Variants in LRP2 observed in about 807,000 individuals in gnomAD.
The protein encoded by LRP2 is low-density lipoprotein receptor-related protein 2.
A neutral mutation model predicts 531.0 loss-of-function variants in LRP2; 172 were observed. The observed-to-expected ratio is 0.32, with a 90% CI of 0.29 to 0.37. The LOEUF (loss-of-function observed/expected upper bound fraction) is 0.37. Ranked by LOEUF, LRP2 falls within the 10% of genes least tolerant of loss-of-function variation. The pLI, the probability that LRP2 is intolerant of heterozygous loss-of-function variation, is 1.00. For synonymous variants in LRP2, 1,992 were observed against 2,027.6 expected, an observed-to-expected ratio of 0.98 and a Z score of 0.47; for missense variants, 5,167 against 5,868.3, an observed-to-expected ratio of 0.88 and a Z score of 3.90.
intron 1 of LRP2, among the ~76,000 whole-genome samples, chr2:169,337,910 CA>C (rs967492488): frequency 6.6e-5 from 10 of 151,990 alleles, no homozygotes; most frequent in African/African-American, 2.4e-4. Flanking sequence ...AGTTTGAGAC[CA>C]CCCTGGGCAA....
At chr2:169,180,497 G>T (rs188899651) in intron 52 of LRP2, among the ~76,000 whole-genome samples, 2 of 152,308 alleles carry the variant, frequency 1.3e-5, no homozygotes, top group African/African-American at 4.8e-5. Context: ...GAAAGTACTT[G>T]GATTGATTAA....
intron 24 of LRP2, 149 bp from the exon 25 acceptor site, chr2:169,241,514 A>C (rs1407689592): frequency 4.6e-6 from 4 of 862,534 alleles, no homozygotes; most frequent in Non-Finnish European, 7.6e-6. Flanking sequence ...AATGATATAG[A>C]GTCTTCTCCC....
chr2:169,206,406 A>G lies in LRP2; in HGVS notation c.7314T>C (p.Asn2438=), dbSNP rs936825984. ...SVSDRIYFTQ[N]LASGVGQISY... ...AAATCTGTCCAACTCCAGAGGCTAA[A>G]TTTTGTGTGAAGTAGATTCTATCAC... Residue 2438 remains asparagine, a synonymous_variant, in exon 39 of 79, where the codon AAT becomes AAC. Transcript: ENST00000649046. The G allele has an allele frequency of 6.2e-7, 1 of 1,614,048 alleles. No homozygotes were observed. The highest frequency in any genetic ancestry group is 1.3e-5 in the African/African-American group (1 of 74,914).
At chr2:169,294,513 C>T in intron 5 of LRP2, 87 bp downstream of exon 5, 1 of 987,614 alleles carries the variant, frequency 1.0e-6, no homozygotes. Context: ...TGAACCTGAA[C>T]TTGGGAAGAG....
chr2:169,269,330 A>T (rs182200880), intron 16 of LRP2, among the ~76,000 whole-genome samples: 374 of 152,358 alleles, frequency 2.5e-3, no homozygotes, highest in Non-Finnish European at 4.0e-3. Context: ...AGCTGAAGGC[A>T]TCACACTACC....
chr2:169,163,193 G>A (rs985617907), intron 62 of LRP2, among the ~76,000 whole-genome samples: 1 of 152,186 alleles, frequency 6.6e-6, no homozygotes, highest in African/African-American at 2.4e-5. Flanking sequence ...GGAAAAACTG[G>A]AAGGCAGATC....
At chr2:169,344,085 T>C (rs930988583) in intron 1 of LRP2, among the ~76,000 whole-genome samples, 14 of 152,106 alleles carry the variant, frequency 9.2e-5, no homozygotes, top group African/African-American at 3.4e-4. Context: ...GGGCATAGGA[T>C]ATGGTTTTAT....
At chr2:169,192,386 T>C (rs1687861596) in intron 47 of LRP2, among the ~76,000 whole-genome samples, 2 of 152,188 alleles carry the variant, frequency 1.3e-5, no homozygotes, top group Non-Finnish European at 2.9e-5. Flanking sequence ...CTTTTTTTAG[T>C]TTACAAAGTA....
intron 1 of LRP2, among the ~76,000 whole-genome samples, chr2:169,358,913 A>AG (rs1197619152): frequency 2.1e-4 from 31 of 151,130 alleles, no homozygotes; most frequent in Middle Eastern, 3.4e-3. Context: ...AAAAAAAAAA[A>AG]AAAGAAAAAA....
At chr2:169,191,697 T>G (rs902395644) in intron 48 of LRP2, 135 bp downstream of exon 48, 2 of 689,966 alleles carry the variant, frequency 2.9e-6, no homozygotes, top group Non-Finnish European at 5.2e-6. Context: ...TGGAAAGGAA[T>G]CCAAACATTT....
At chr2:169,132,769 T>C in intron 76 of LRP2, 88 bp from the exon 77 acceptor site, 1 of 764,006 alleles carries the variant, frequency 1.3e-6, no homozygotes, top group Non-Finnish European at 2.4e-6. Flanking sequence ...ACTCTGGCTC[T>C]TTTTGCCATC....
At chr2:169,283,263 G>A (rs867824869) in intron 9 of LRP2, among the ~76,000 whole-genome samples, 7 of 152,108 alleles carry the variant, frequency 4.6e-5, no homozygotes, top group South Asian at 2.1e-4. Context: ...ATAGCCCTAT[G>A]GTACTGCATT....
intron 1 of LRP2, among the ~76,000 whole-genome samples, chr2:169,351,375 G>T (rs1313860747): frequency 6.6e-6 from 1 of 152,176 alleles, no homozygotes; most frequent in African/African-American, 2.4e-5. Context: ...TAGTTAGAAG[G>T]TAATGTGGAA....
At chr2:169,176,238 A>C (rs1442051261) in intron 54 of LRP2, among the ~76,000 whole-genome samples, 173 bp downstream of exon 54, 1 of 152,212 alleles carries the variant, frequency 6.6e-6, no homozygotes, top group Non-Finnish European at 1.5e-5. Context: ...CCTTCTATTC[A>C]TGGAAAATAT....
chr2:169,222,261 G>A (rs1689045579), intron 33 of LRP2, among the ~76,000 whole-genome samples: 1 of 152,098 alleles, frequency 6.6e-6, no homozygotes, highest in Admixed American at 6.6e-5. Flanking sequence ...GATCATTTGA[G>A]GGAAACAGCG....
intron 44 of LRP2, 102 bp downstream of exon 44, chr2:169,201,526 G>T: frequency 6.7e-7 from 1 of 1,497,674 alleles, no homozygotes; most frequent in African/African-American, 1.4e-5. Flanking sequence ...AAATACTTAG[G>T]GTTTTTATTT....
At position 169,318,767 on chromosome 2, in the gene LRP2, T is replaced by A; in HGVS notation, c.305A>T (p.Asp102Val). The change falls in exon 3 of 79, where the codon GAT becomes GTT. Residue 102 changes from aspartate (D) to valine (V), a missense_variant. Asp to Val is a radical substitution (Grantham distance 152). Transcript: ENST00000649046. ...DCDDGSDERQ[D>V]CSQSTCSSHQ... ...ATTCCTCTCCAAACACTTACAGCAA[T>A]CTTGACGTTCATCTGAGCCATCATC... The A allele has an allele frequency of 6.2e-7, 1 of 1,614,096 alleles. No homozygotes were observed. The highest frequency in any genetic ancestry group is 8.5e-7 in the Non-Finnish European group (1 of 1,179,976).
In LRP2 at chr2:169,169,784, A is replaced by G. The variant is rs1187652727; in HGVS notation, c.11415T>C (p.Cys3805=). The change falls in exon 60 of 79, where the codon TGT becomes TGC. Residue 3805 remains cysteine (C), a synonymous_variant. Coordinates refer to ENST00000649046, the MANE Select transcript of LRP2 (RefSeq NM_004525.3). The stretch of plus-strand genomic sequence containing the variant: ...CACTGTGTACACAATGTCCACTTGT[A>G]CACTGAAAATATTCAGGATGGCAGG... The part of the protein sequence containing the change: ...MRTCHPEYFQ[C]TSGHCVHSEL... The G allele has an allele frequency of 6.2e-7, 1 of 1,614,016 alleles. No homozygotes were observed. The highest frequency in any genetic ancestry group is 8.5e-7 in the Non-Finnish European group (1 of 1,179,874).
chr2:169,139,448 C>T lies in LRP2; in HGVS notation c.13268-77G>A, dbSNP rs1398319659. 4.3e-6 allele frequency: 7 copies of T among 1,613,386 alleles called. No individual in the cohort carries two copies. In the South Asian group the frequency reaches 5.5e-5, roughly 13 times the overall value. On this transcript the variant is annotated intron_variant, in intron 73 of 78. Transcript: ENST00000649046. Reference sequence around the variant, plus strand: ...TGGCAGAAACTGGGGGCTAGAACCACTCCTTCAAAGACTGGGTTAAGTAGA... The same window carrying T: ...TGGCAGAAACTGGGGGCTAGAACCATTCCTTCAAAGACTGGGTTAAGTAGA...
Sources: allele counts gnomAD v4.1 joint callset (sites outside exome capture counted in the v4.1 genomes callset), GRCh38; gene constraint gnomAD v4.1.1; transcripts MANE v1.5; gene names NCBI Gene and HGNC (gene_info 2026-07-23, HGNC 2026-07-21).